Variants in TMEM248 observed in about 807,000 individuals in gnomAD.
The protein encoded by TMEM248 is UPF0458 protein C7orf42.
Under a neutral mutation model 30.3 loss-of-function variants are expected in TMEM248, and 9 were observed. The ratio of observed to expected loss-of-function variants is 0.30; its 90% CI spans 0.18 to 0.52. The LOEUF is 0.52. Among genes scored for constraint, TMEM248 ranks in the 20% least tolerant of loss-of-function variants. TMEM248 has a pLI of 0.97. For missense variants in TMEM248, 338 were observed against 403.3 expected (o/e 0.84, Z 1.39); for synonymous variants, 184 against 154.4 (o/e 1.19, Z -1.42).
chr7:66,924,195 G>A (rs1178542294), intron 1 of TMEM248, among the ~76,000 whole-genome samples: 1 of 152,192 alleles, frequency 6.6e-6, no homozygotes, highest in African/African-American at 2.4e-5. Context: ...TGCAGCTCTG[G>A]CTACAGCCAA....
At position 66,951,561 on chromosome 7, in the gene TMEM248, G is replaced by C. The variant is rs531727076; in HGVS notation, c.780+426G>C. ...GAGTAGTAGGAGGAGATGAATCTTC[G>C]GCTAGAGAGTGAGGCCTGAATAGGA... is the stretch of plus-strand genomic sequence containing the variant. On this transcript the variant is annotated intron_variant, in intron 5 of 6. Coordinates refer to ENST00000341567, the MANE Select transcript of TMEM248 (RefSeq NM_017994.5). Among the ~76,000 whole-genome samples the C allele has an allele frequency of 2.0e-5, 3 of 151,814 alleles. No individual in the cohort carries two copies. In the East Asian group the frequency reaches 5.8e-4, roughly 29 times the overall value.
At chr7:66,922,173 A>G (rs1051855376) in intron 1 of TMEM248, 1 of 152,174 alleles carries the variant, frequency 6.6e-6, no homozygotes, top group Admixed American at 6.6e-5. Flanking sequence ...TGGCTGATGA[A>G]TGGTGAGCTT....
rs1412116066 is a variant in TMEM248 at position 66,957,786 on chromosome 7, G to A, written c.*2264G>A. ...GGCTGGAATCTGTAGCTAGGGGAGG[G>A]GCAACACTGTTAGATGTGAGGAAAG... is the stretch of plus-strand genomic sequence containing the variant. On this transcript the variant is annotated 3_prime_UTR_variant, in exon 7 of 7. Transcript: ENST00000341567. The A allele has an allele frequency of 6.6e-6, 1 of 152,118 alleles. No homozygotes were observed. Among genetic ancestry groups the A allele is most frequent in the Non-Finnish European group, 1.5e-5 (1 of 68,058 alleles). 9.4% of individuals were successfully genotyped at this position (152,118 alleles called of 1,614,324 possible).
chr7:66,932,096 A>C (rs1458801121), intron 1 of TMEM248, among the ~76,000 whole-genome samples: 1 of 151,812 alleles, frequency 6.6e-6, no homozygotes, highest in Non-Finnish European at 1.5e-5. Flanking sequence ...GAGCCACTGC[A>C]CCCATCCGGC....
Position 66,933,015 on chromosome 7 carries a change from C to T in TMEM248, c.-18-8833C>T, listed in dbSNP as rs369686944. 2.6e-5 allele frequency among the ~76,000 whole-genome samples: 4 copies of T among 152,130 alleles called. 1 individual carries two copies. The highest frequency in any genetic ancestry group is 1.5e-5 in the Non-Finnish European group (1 of 68,008). ...GTGGGACTACAACCACGCGCCACCA[C>T]ACCCGGCTAATTTTTTGTGTTTTTA... On this transcript the variant is annotated intron_variant, in intron 1 of 6. Transcript: ENST00000341567.
chr7:66,950,097 A>C (rs531872215), intron 4 of TMEM248, among the ~76,000 whole-genome samples: 1 of 152,002 alleles, frequency 6.6e-6, no homozygotes, highest in Non-Finnish European at 1.5e-5. Flanking sequence ...GCAATGGCTC[A>C]CACCTGTAAT....
intron 1 of TMEM248, among the ~76,000 whole-genome samples, chr7:66,928,731 G>A (rs1248179539): frequency 6.6e-6 from 1 of 151,932 alleles, no homozygotes; most frequent in East Asian, 1.9e-4. Context: ...TTATATGGAT[G>A]CTTTTCTGCC....
chr7:66,948,532 T>C lies in TMEM248; in HGVS notation c.446-12T>C. On this transcript the variant is annotated splice_polypyrimidine_tract_variant and intron_variant, in intron 3 of 6. Coordinates refer to ENST00000341567, the MANE Select transcript of TMEM248 (RefSeq NM_017994.5). ...TTCTTGACTTTATAAAAAAATGATT[T>C]CTCTTTCATAGGCAGGGAAGCCCAC... 1 of 1,610,108 alleles carries C rather than the reference T, an allele frequency of 6.2e-7. No homozygotes were observed. Among genetic ancestry groups the C allele is most frequent in the South Asian group, 1.1e-5 (1 of 90,350 alleles).
chr7:66,951,434 T>C (rs942704280), intron 5 of TMEM248: 1 of 258,432 alleles, frequency 3.9e-6, no homozygotes. Flanking sequence ...CTTCTATTAA[T>C]ATTATCTTAG....
At chr7:66,942,683 A>C (rs1348441104) in intron 2 of TMEM248, among the ~76,000 whole-genome samples, 1 of 151,956 alleles carries the variant, frequency 6.6e-6, no homozygotes, top group Non-Finnish European at 1.5e-5. Context: ...TTTAGTAGAG[A>C]CGGGGTTTCG....
Position 66,937,230 on chromosome 7 carries a change from T to C in TMEM248, c.-18-4618T>C, listed in dbSNP as rs201368772. On this transcript the variant is annotated intron_variant, in intron 1 of 6. Transcript: ENST00000341567. ...CCATGTGTTTGTATAGTTTCCAGAA[T>C]TCCTCTTGTAACTGATTTCTAGTTT... Among the ~76,000 whole-genome samples the C allele has an allele frequency of 2.0e-4, 30 of 152,350 alleles. No homozygotes were observed. In the East Asian group the frequency reaches 5.8e-3, roughly 29 times the overall value.
chr7:66,930,475 C>T (rs1048648738), intron 1 of TMEM248: 1 of 152,190 alleles, frequency 6.6e-6, no homozygotes, highest in East Asian at 1.9e-4. Context: ...AGAGGATCCA[C>T]CCCACTTCTG....
rs574434493 is a variant in TMEM248, at chr7:66,952,071, TTTTC to T, written c.780+940_780+943del. On this transcript the variant is annotated intron_variant, in intron 5 of 6. Transcript: ENST00000341567. ...GGCCTGGCCCTTTGCCCTTTTCTTT[TTTTC>T]TTTATTTTAATTTTTTTTTATTTTT... Among the ~76,000 whole-genome samples, 760 of 152,076 alleles carry T rather than the reference TTTTC, an allele frequency of 5.0e-3. 5 individuals carry two copies. Among genetic ancestry groups the T allele is most frequent in the Non-Finnish European group, 8.9e-3 (604 of 67,976 alleles).
Position 66,951,099 on chromosome 7 carries a change from T to A in TMEM248, c.744T>A (p.His248Gln). 6.2e-7 allele frequency: 1 copy of A among 1,604,762 alleles called. No homozygotes were observed. Among genetic ancestry groups the A allele is most frequent in the Non-Finnish European group, 8.5e-7 (1 of 1,176,390 alleles). ...CYKGAIGKVY[H>Q]ALNPKLTVIV... ...AGGGGGCCATTGGAAAAGTCTATCA[T>A]GCTTTAAATCCCAAGCTTACAGTGA... is the stretch of plus-strand genomic sequence containing the variant. The change falls in exon 5 of 7, where the codon CAT (histidine) becomes CAA (glutamine). Residue 248 changes from histidine to glutamine, a missense_variant. Coordinates refer to ENST00000341567, the MANE Select transcript of TMEM248 (RefSeq NM_017994.5).
In TMEM248 at chr7:66,955,798, G is replaced by C; in HGVS notation, c.*276G>C. The C allele has an allele frequency of 2.3e-6, 1 of 441,654 alleles. No homozygotes were observed. The highest frequency in any genetic ancestry group is 2.0e-5 in the African/African-American group (1 of 49,034). The allele number at this position is 441,654 out of a possible 1,614,324, so 27.4% of individuals were successfully genotyped here. ...CCTACCTGATGGGACGTTTCCACGT[G>C]TCTCTAGAGAAGGATTCCTGGATCT... On this transcript the variant is annotated 3_prime_UTR_variant, in exon 7 of 7. Transcript: ENST00000341567.
At chr7:66,947,214 C>CAA (rs565294304) in intron 3 of TMEM248, among the ~76,000 whole-genome samples, 646 of 58,344 alleles carry the variant, frequency 0.011, 8 homozygotes, top group African/African-American at 0.035. Context: ...GACCCTGTCT[C>CAA]AAAAAAAAAA....
chr7:66,925,499 A>G (rs775535427), intron 1 of TMEM248, among the ~76,000 whole-genome samples: 11 of 152,000 alleles, frequency 7.2e-5, no homozygotes, highest in Admixed American at 6.6e-5. Context: ...GATTCCACAT[A>G]TAAGTGGAAT....
chr7:66,937,575 T>C (rs577319513), intron 1 of TMEM248, among the ~76,000 whole-genome samples: 7 of 152,380 alleles, frequency 4.6e-5, no homozygotes, highest in Non-Finnish European at 1.0e-4. Flanking sequence ...TACATCATCT[T>C]GCTGAATTGA....
Position 66,942,012 on chromosome 7 carries a change from A to G in TMEM248, c.147A>G (p.Pro49=), listed in dbSNP as rs775395710. ...YFFKIKEIKS[P]EMAEDWNTFL... is the part of the protein sequence containing the mutation. Reference sequence around the variant, plus strand: ...TCAAAATCAAGGAGATTAAATCCCCAGAAATGGCAGAGGTATAGTATGCTC... The same window carrying G: ...TCAAAATCAAGGAGATTAAATCCCCGGAAATGGCAGAGGTATAGTATGCTC... The change falls in exon 2 of 7, where the codon CCA becomes CCG. Residue 49 remains proline (P), a synonymous_variant. Coordinates refer to ENST00000341567, the MANE Select transcript of TMEM248 (RefSeq NM_017994.5). 11 of 1,613,986 alleles carry G rather than the reference A, an allele frequency of 6.8e-6. No individual in the cohort carries two copies. Among genetic ancestry groups the G allele is most frequent in the Non-Finnish European group, 8.5e-6 (10 of 1,179,974 alleles).
Sources: allele counts gnomAD v4.1 joint callset (sites outside exome capture counted in the v4.1 genomes callset), GRCh38; gene constraint gnomAD v4.1.1; transcripts MANE v1.5; gene names NCBI Gene and HGNC (gene_info 2026-07-23, HGNC 2026-07-21).